Variants in RCCD1 observed in about 807,000 individuals in gnomAD.
RCCD1 encodes RCC1 domain containing 1, also known as RCC1 domain-containing protein 1.
A neutral mutation model predicts 37.6 loss-of-function variants in RCCD1; 40 were observed. The ratio of observed to expected loss-of-function variants is 1.06; its 90% CI spans 0.83 to 1.39. RCCD1 has a LOEUF of 1.39. Ranked by LOEUF, RCCD1 falls within the 40% of genes most tolerant of loss-of-function variation. The probability of loss-of-function intolerance (pLI) is 0.00; values close to 1 mark genes in which losing one functional copy is unlikely to be tolerated. For missense variants in RCCD1, 577 were observed against 517.3 expected, an observed-to-expected ratio of 1.12 and a Z score of -1.12; for synonymous variants, 263 against 230.0, an observed-to-expected ratio of 1.14 and a Z score of -1.30.
chr15:90,958,841 A>AG (rs2037256229), intron 4 of RCCD1, among the ~76,000 whole-genome samples: 2 of 148,886 alleles, frequency 1.3e-5, no homozygotes, highest in South Asian at 4.4e-4. Flanking sequence ...CTGAGGCTGG[A>AG]GGATCACTTG....
At chr15:90,960,835 C>G (rs2037300349) in intron 6 of RCCD1, 190 bp from the exon 7 acceptor site, 2 of 687,302 alleles carry the variant, frequency 2.9e-6, no homozygotes, top group Admixed American at 4.2e-5. Flanking sequence ...GAAGATCCGC[C>G]ACTTTTTCCC....
intron 6 of RCCD1, 63 bp downstream of exon 6, chr15:90,960,561 C>A: frequency 6.6e-7 from 1 of 1,507,694 alleles, no homozygotes. Flanking sequence ...GGGGTGTGGT[C>A]GACGGAAAAA....
At chr15:90,957,085 G>A in intron 2 of RCCD1, 28 bp from the exon 3 acceptor site, 1 of 1,322,532 alleles carries the variant, frequency 7.6e-7, no homozygotes, top group East Asian at 3.1e-5. Flanking sequence ...CCTCCATTCT[G>A]GCCACCCTGC....
chr15:90,957,132 G>A lies in RCCD1; in HGVS notation c.186G>A (p.Leu62=). The part of the protein sequence containing the change: ...AFVTRGGRLE[L]SGSASGAAGR... ...CCGCAGGTGGAGGCCGCTTGGAGCT[G>A]TCGGGCTCAGCCAGCGGCGCGGCGG... The change falls in exon 3 of 8, where the codon CTG becomes CTA. Residue 62 remains leucine, a synonymous_variant. Transcript: ENST00000394258. 1 of 1,357,940 alleles carries A rather than the reference G, an allele frequency of 7.4e-7. No homozygotes were observed. The allele number at this position is 1,357,940 out of a possible 1,614,324, so 84.1% of individuals were successfully genotyped here.
At position 90,962,971 on chromosome 15, in the gene RCCD1, G is replaced by A. The variant is rs1596256489; in HGVS notation, c.*1202G>A. 2 of 152,148 alleles carry A rather than the reference G, an allele frequency of 1.3e-5. No individual in the cohort carries two copies. Among genetic ancestry groups the A allele is most frequent in the East Asian group, 3.8e-4 (2 of 5,198 alleles). 9.4% of individuals were successfully genotyped at this position (152,148 alleles called of 1,614,324 possible). On this transcript the variant is annotated 3_prime_UTR_variant, in exon 8 of 8. Transcript: ENST00000394258. ...TTATTTTGATAAAATAAGCTTATCA[G>A]TAGTTTTCTTTATAGTTAAATTCTA...
At position 90,957,244 on chromosome 15, in the gene RCCD1, G is replaced by A. The variant is rs1330261475; in HGVS notation, c.298G>A (p.Ala100Thr). 1.4e-6 allele frequency: 2 copies of A among 1,468,450 alleles called. No homozygotes were observed. Among genetic ancestry groups the A allele is most frequent in the Admixed American group, 2.4e-5 (1 of 41,418 alleles). 91.0% of individuals were successfully genotyped at this position (1,468,450 alleles called of 1,614,324 possible). A position where few individuals can be genotyped will look rare whatever the true frequency, so the allele number is the denominator to read the frequency against. ...GCCGGAGGCGTTACTGCAGGTCTGG[G>A]CGGCCGAATCGGCGCTGCGTGGGGA... ...PGPEALLQVW[A>T]AESALRGEPL... The change falls in exon 3 of 8, where the codon GCG becomes ACG. Residue 100 changes from alanine to threonine, a missense_variant. By Grantham distance (58) the Ala-to-Thr change is moderately conservative. Coordinates refer to ENST00000394258, the MANE Select transcript of RCCD1 (RefSeq NM_001017919.2).
rs1480462891 is a variant in RCCD1 at position 90,957,391 on chromosome 15, C to G, written c.445C>G (p.Pro149Ala). 6 of 1,543,410 alleles carry G rather than the reference C, an allele frequency of 3.9e-6. No individual in the cohort carries two copies. Among genetic ancestry groups the G allele is most frequent in the Non-Finnish European group, 5.2e-6 (6 of 1,145,998 alleles). ...CCGTGCCTACGTGAGCCCGCGGGCG[C>G]CCTTCTACCGGCCTCTGGCTCCGGA... The part of the protein sequence containing the change: ...CARAYVSPRA[P>A]FYRPLAPELR... The change falls in exon 3 of 8, where the codon CCC (proline) becomes GCC (alanine). Residue 149 changes from proline (P) to alanine (A), a missense_variant. Physicochemically the swap from Pro to Ala is conservative, Grantham distance 27 (BLOSUM62 -1). Transcript: ENST00000394258.
At chr15:90,960,849 G>A (rs765168770) in intron 6 of RCCD1, 176 bp from the exon 7 acceptor site, 34 of 713,252 alleles carry the variant, frequency 4.8e-5, no homozygotes, top group Non-Finnish European at 7.8e-5. Context: ...TTTTCCCTCG[G>A]GATCCTCTGC....
In RCCD1 at chr15:90,961,679, A is replaced by G. The variant is rs1020424276; in HGVS notation, c.1041A>G (p.Glu347=). The part of the protein sequence containing the change: ...TTSLDRPRRV[E]YFVDKQLQVK... ...GCTTGGATCGGCCTCGCCGTGTGGA[A>G]TACTTTGTAGATAAGCAACTCCAAG... Residue 347 remains glutamate, a synonymous_variant, in exon 8 of 8, where the codon GAA becomes GAG. Coordinates refer to ENST00000394258, the MANE Select transcript of RCCD1 (RefSeq NM_001017919.2). 1.9e-6 allele frequency: 3 copies of G among 1,614,176 alleles called. No homozygotes were observed. Among genetic ancestry groups the G allele is most frequent in the Admixed American group, 3.3e-5 (2 of 60,020 alleles).
chr15:90,960,903 C>A (rs2037301800), intron 6 of RCCD1, 122 bp from the exon 7 acceptor site: 3 of 925,792 alleles, frequency 3.2e-6, no homozygotes, highest in Non-Finnish European at 5.4e-6. Flanking sequence ...ATATGTTGTT[C>A]CATGCCAGGC....
Position 90,961,670 on chromosome 15 carries a change from C to G in RCCD1, c.1032C>G (p.Arg344=). The change falls in exon 8 of 8, where the codon CGC becomes CGG. Residue 344 remains arginine, a synonymous_variant. Transcript: ENST00000394258. The part of the protein sequence containing the change: ...HEDTTSLDRP[R]RVEYFVDKQL... ...ACACCACCAGCTTGGATCGGCCTCG[C>G]CGTGTGGAATACTTTGTAGATAAGC... 6.2e-7 allele frequency: 1 copy of G among 1,614,124 alleles called. No individual in the cohort carries two copies. The highest frequency in any genetic ancestry group is 8.5e-7 in the Non-Finnish European group (1 of 1,179,994).
rs912422066 is a variant in RCCD1 at position 90,961,941 on chromosome 15, T to C, written c.*172T>C. The C allele has an allele frequency of 2.0e-6, 1 of 507,482 alleles. No homozygotes were observed. The highest frequency in any genetic ancestry group is 1.9e-5 in the African/African-American group (1 of 51,824). 31.4% of individuals were successfully genotyped at this position (507,482 alleles called of 1,614,324 possible). ...CACTTTAGAAACACCTGGAGAGCAT[T>C]GAAAACTCTGCTGCCTAAGGTCAGC... is the stretch of plus-strand genomic sequence containing the variant. On this transcript the variant is annotated 3_prime_UTR_variant, in exon 8 of 8. Transcript: ENST00000394258.
chr15:90,961,149 G>A (rs2037307170), intron 7 of RCCD1, 95 bp downstream of exon 7: 30 of 1,262,782 alleles, frequency 2.4e-5, no homozygotes, highest in Admixed American at 7.3e-5. Flanking sequence ...ACTGGAGGAA[G>A]CAGGGGCCTC....
Position 90,957,276 on chromosome 15 carries a change from G to T in RCCD1, c.330G>T (p.Leu110Phe). ...AAESALRGEPLWAQNVVPEAE... is the reference protein window; with the variant it reads ...AAESALRGEPFWAQNVVPEAE... Reference sequence around the variant, plus strand: ...AATCGGCGCTGCGTGGGGAGCCATTGTGGGCCCAGAATGTGGTGCCCGAGG... The same window carrying T: ...AATCGGCGCTGCGTGGGGAGCCATTTTGGGCCCAGAATGTGGTGCCCGAGG... The change falls in exon 3 of 8, where the codon TTG becomes TTT. Residue 110 changes from leucine to phenylalanine, a missense_variant. Physicochemically the swap from Leu to Phe is conservative, Grantham distance 22 (BLOSUM62 0). Transcript: ENST00000394258. 1 of 1,513,612 alleles carries T rather than the reference G, an allele frequency of 6.6e-7. No individual in the cohort carries two copies. The allele number at this position is 1,513,612 out of a possible 1,614,324, so 93.8% of individuals were successfully genotyped here.
Position 90,959,906 on chromosome 15 carries a change from G to C in RCCD1, c.686G>C (p.Gly229Ala). 3.7e-6 allele frequency: 6 copies of C among 1,611,862 alleles called. No homozygotes were observed. The highest frequency in any genetic ancestry group is 5.1e-6 in the Non-Finnish European group (6 of 1,178,472). ...GWHSVCVSET[G>A]DIYIWGWNES... Reference sequence around the variant, plus strand: ...TCCCCTTGATCTCTTTCAGAGACTGGGGATATTTATATCTGGGGCTGGAAT... The same window carrying C: ...TCCCCTTGATCTCTTTCAGAGACTGCGGATATTTATATCTGGGGCTGGAAT... The change falls in exon 5 of 8, where the codon GGG (glycine) becomes GCG (alanine). Residue 229 changes from glycine to alanine, a missense_variant. By Grantham distance (60) the Gly-to-Ala change is moderately conservative. Coordinates refer to ENST00000394258, the MANE Select transcript of RCCD1 (RefSeq NM_001017919.2).
Position 90,957,315 on chromosome 15 carries a change from C to T in RCCD1, c.369C>T (p.Asp123=). ...TGGTGCCCGAGGCCGAAGGGGAAGA[C>T]GATCCGGCCGGTGAGGCCCAGGCTG... ...QNVVPEAEGE[D]DPAGEAQAGR... The change falls in exon 3 of 8, where the codon GAC becomes GAT. Residue 123 remains aspartate (D), a synonymous_variant. Transcript: ENST00000394258. 6.5e-7 allele frequency: 1 copy of T among 1,539,552 alleles called. No homozygotes were observed. The highest frequency in any genetic ancestry group is 1.2e-5 in the South Asian group (1 of 83,428).
chr15:90,957,501 C>T lies in RCCD1; in HGVS notation c.555C>T (p.Gly185=), dbSNP rs1203397985. ...AAGQVFSWGG[G]RHGQLGHGTL... ...GCCAGGTGTTCTCCTGGGGCGGGGG[C>T]AGGTGAGCGGAGGCGGGGGCAGGTG... Residue 185 remains glycine (G), a splice_region_variant and synonymous_variant, in exon 3 of 8, where the codon GGC becomes GGT. Coordinates refer to ENST00000394258, the MANE Select transcript of RCCD1 (RefSeq NM_001017919.2). The T allele has an allele frequency of 6.4e-7, 1 of 1,565,654 alleles. No homozygotes were observed. The highest frequency in any genetic ancestry group is 8.6e-7 in the Non-Finnish European group (1 of 1,158,724).
rs1034832387 is a variant in RCCD1 at position 90,961,898 on chromosome 15, C to T, written c.*129C>T. ...CAGTCCTGCCCTTCACCCTCAAGCA[C>T]GGTCCTAAACTTGTCTGCACTTTAG... On this transcript the variant is annotated 3_prime_UTR_variant, in exon 8 of 8. Coordinates refer to ENST00000394258, the MANE Select transcript of RCCD1 (RefSeq NM_001017919.2). 1.6e-5 allele frequency: 14 copies of T among 851,830 alleles called. No individual in the cohort carries two copies. Among genetic ancestry groups the T allele is most frequent in the South Asian group, 1.9e-5 (1 of 53,718 alleles). 52.8% of individuals were successfully genotyped at this position (851,830 alleles called of 1,614,324 possible). A position where few individuals can be genotyped will look rare whatever the true frequency, so the allele number is the denominator to read the frequency against.
At chr15:90,957,875 C>A in intron 4 of RCCD1, 150 bp downstream of exon 4, 1 of 1,019,860 alleles carries the variant, frequency 9.8e-7, no homozygotes, top group South Asian at 1.6e-5. Flanking sequence ...TGCCTCTCAC[C>A]CTCGGCCTCC....
Sources: gnomAD v4.1 joint callset for allele counts (sites outside exome capture counted in the v4.1 genomes callset) on GRCh38, gnomAD v4.1.1 for gene constraint, MANE v1.5 for transcripts, NCBI Gene and HGNC (gene_info 2026-07-23, HGNC 2026-07-21) for gene names.